Variants in CP observed in about 807,000 individuals in gnomAD.
CP encodes caeruloplasmin.
In CP, 64 loss-of-function variants were observed where a neutral mutation model predicts 122.4. The observed-to-expected ratio is 0.52, with a 90% CI of 0.43 to 0.64. The LOEUF is 0.64. Among genes scored for constraint, CP ranks in the 30% least tolerant of loss-of-function variants. The pLI, the probability that CP is intolerant of heterozygous loss-of-function variation, is 0.00. For missense variants in CP, 1,167 were observed against 1,284.4 expected, an observed-to-expected ratio of 0.91 and a Z score of 1.40; for synonymous variants, 440 against 436.4, an observed-to-expected ratio of 1.01 and a Z score of -0.10.
rs567537155 is a variant in CP at position 149,221,140 on chromosome 3, C to T, written c.146+507G>A. On this transcript the variant is annotated intron_variant, in intron 1 of 18. Transcript: ENST00000264613. ...AGCTATGCTTATTATCCTCATTTTA[C>T]AAATTAGGACCCTGAAGCTGTGAAA... Among the ~76,000 whole-genome samples the T allele has an allele frequency of 2.0e-5, 3 of 152,280 alleles. No individual in the cohort carries two copies. The South Asian group carries it at 6.2e-4, about 32-fold the overall frequency.
chr3:149,221,736 C>T lies in CP; in HGVS notation c.57G>A (p.Ala19=), dbSNP rs775969249. Residue 19 remains alanine, a synonymous_variant, in exon 1 of 19, where the codon GCG becomes GCA. Coordinates refer to ENST00000264613, the MANE Select transcript of CP (RefSeq NM_000096.4). ...TTCCAATGTAATAATGCTTTTCTTT[C>T]GCCCAGGCTGGGGTACTACATAAAA... ...FLFLCSTPAW[A]KEKHYYIGII... 1.6e-5 allele frequency: 26 copies of T among 1,611,238 alleles called. No homozygotes were observed. The highest frequency in any genetic ancestry group is 7.7e-5 in the South Asian group (7 of 90,850).
At chr3:149,220,654 G>A (rs1200788745) in intron 1 of CP, among the ~76,000 whole-genome samples, 1 of 151,988 alleles carries the variant, frequency 6.6e-6, no homozygotes, top group Non-Finnish European at 1.5e-5. Flanking sequence ...TTTACATAAT[G>A]TTAAAGAAAA....
chr3:149,210,226 A>G lies in CP; in HGVS notation c.548T>C (p.Ile183Thr), dbSNP rs386134123. 55 of 1,613,960 alleles carry G rather than the reference A, an allele frequency of 3.4e-5. No individual in the cohort carries two copies. Among genetic ancestry groups the G allele is most frequent in the South Asian group, 4.4e-5 (4 of 91,086 alleles). Residue 183 changes from isoleucine (I) to threonine (T), a missense_variant, in exon 3 of 19, where the codon ATT becomes ACT. Physicochemically the swap from Ile to Thr is moderately conservative, Grantham distance 89. Coordinates refer to ENST00000264613, the MANE Select transcript of CP (RefSeq NM_000096.4). ...NCVTRIYHSH[I>T]DAPKDIASGL... Reference sequence around the variant, plus strand: ...TGAGGCAATATCTTTTGGAGCATCAATGTGGGAATGGTAAATCCTAGTCAC... The same window carrying G: ...TGAGGCAATATCTTTTGGAGCATCAGTGTGGGAATGGTAAATCCTAGTCAC...
intron 9 of CP, among the ~76,000 whole-genome samples, chr3:149,192,374 C>T (rs7634054): frequency 0.098 from 14,879 of 151,616 alleles, 2,069 homozygotes; most frequent in African/African-American, 0.31. Context: ...GCCTTAGAGC[C>T]CTACTCACCA....
intron 2 of CP, among the ~76,000 whole-genome samples, chr3:149,211,549 G>A (rs899007890): frequency 2.6e-5 from 4 of 152,104 alleles, no homozygotes; most frequent in South Asian, 4.1e-4. Context: ...TGTTTTTCAG[G>A]TACTATTTTC....
intron 6 of CP, among the ~76,000 whole-genome samples, 165 bp from the exon 7 acceptor site, chr3:149,202,406 T>G (rs1727391646): frequency 6.6e-6 from 1 of 152,146 alleles, no homozygotes; most frequent in Middle Eastern, 3.2e-3. Context: ...AGCAGACAGT[T>G]CCAGTCCACT....
At chr3:149,204,436 A>C (rs1727562431) in intron 6 of CP, among the ~76,000 whole-genome samples, 2 of 152,202 alleles carry the variant, frequency 1.3e-5, no homozygotes, top group South Asian at 4.1e-4. Flanking sequence ...GTACTTGATG[A>C]GGAGAGGAGT....
chr3:149,206,641 C>G (rs1727744467), intron 5 of CP, among the ~76,000 whole-genome samples: 1 of 152,070 alleles, frequency 6.6e-6, no homozygotes, highest in African/African-American at 2.4e-5. Flanking sequence ...AGAAAAAGAA[C>G]AAATCTGTAG....
At chr3:149,197,476 T>G (rs1726967971) in intron 9 of CP, among the ~76,000 whole-genome samples, 1 of 151,270 alleles carries the variant, frequency 6.6e-6, no homozygotes, top group Non-Finnish European at 1.5e-5. Flanking sequence ...ATGTACTCCC[T>G]GACAGAAGTG....
Position 149,185,260 on chromosome 3 carries a change from A to G in CP, c.2264T>C (p.Leu755Pro). The change falls in exon 12 of 19, where the codon CTG (leucine) becomes CCG (proline). Residue 755 changes from leucine (L) to proline (P), a missense_variant. Leu to Pro is a moderately conservative substitution (Grantham distance 98). Around this residue, in one of 2 missense-constraint regions of CP, gnomAD observed 525 missense variants for 657.2 expected, o/e 0.80. Transcript: ENST00000264613. Reference protein sequence around the residue: ...YSPQREWEKELHHLQEQNVSN... With the variant: ...YSPQREWEKEPHHLQEQNVSN... ...TTACTTCTGCTCTTGTAAATGATGCAGCTCCTTTTCCCACTCCCTTTGTGG... is the reference window on the plus strand; with the variant it reads ...TTACTTCTGCTCTTGTAAATGATGCGGCTCCTTTTCCCACTCCCTTTGTGG... 4.3e-6 allele frequency: 7 copies of G among 1,613,038 alleles called. No individual in the cohort carries two copies. Among genetic ancestry groups the G allele is most frequent in the Non-Finnish European group, 5.9e-6 (7 of 1,179,960 alleles).
At chr3:149,167,885 TA>T, downstream of CP, 1 of 1,543,634 alleles carries the variant, frequency 6.5e-7, no homozygotes. Flanking sequence ...CATTTTTTCC[TA>T]AGATAGACTC....
rs1352607200 is a variant in CP, at chr3:149,173,439, A to G, written c.*275T>C. On this transcript the variant is annotated 3_prime_UTR_variant, in exon 19 of 19. Transcript: ENST00000264613. Reference sequence around the variant, plus strand: ...TAGATCTTTTTTTAAATGCAGTTTTATAAAACCCTAACAGCGGTGATATCA... The same window carrying G: ...TAGATCTTTTTTTAAATGCAGTTTTGTAAAACCCTAACAGCGGTGATATCA... 4.0e-6 allele frequency: 1 copy of G among 251,562 alleles called. No homozygotes were observed. The highest frequency in any genetic ancestry group is 8.0e-5 in the East Asian group (1 of 12,516). The allele number at this position is 251,562 out of a possible 1,614,324, so 15.6% of individuals were successfully genotyped here.
At chr3:149,201,991 C>T (rs1283642057) in intron 7 of CP, 111 bp downstream of exon 7, 2 of 1,370,376 alleles carry the variant, frequency 1.5e-6, no homozygotes, top group Non-Finnish European at 2.1e-6. Flanking sequence ...TTCCACACGC[C>T]TACTTAACAC....
Position 149,185,443 on chromosome 3 carries a change from G to A in CP, c.2081C>T (p.Thr694Ile). The A allele has an allele frequency of 6.2e-7, 1 of 1,614,070 alleles. No individual in the cohort carries two copies. The highest frequency in any genetic ancestry group is 8.5e-7 in the Non-Finnish European group (1 of 1,179,974). The change falls in exon 12 of 19, where the codon ACT (threonine) becomes ATT (isoleucine). Residue 694 changes from threonine (T) to isoleucine (I), a missense_variant. Thr to Ile is a moderately conservative substitution (Grantham distance 89, BLOSUM62 -1). Transcript: ENST00000264613. Reference protein sequence around the residue: ...TLHMWPDTEGTFNVECLTTDH... With the variant: ...TLHMWPDTEGIFNVECLTTDH... ...AGTTGTAAGGCATTCAACATTAAAA[G>A]TCCCTGGAGTGGTAAATAAGAAAAC... is the stretch of plus-strand genomic sequence containing the variant.
At position 149,190,812 on chromosome 3, in the gene CP, A is replaced by G. The variant is rs141498664; in HGVS notation, c.1714-2610T>C. ...TAAACTATTCCTAGTTTATTTAATA[A>G]AGATAGTATAACCATGGATATTAAT... On this transcript the variant is annotated intron_variant, in intron 9 of 18. Transcript: ENST00000264613. Among the ~76,000 whole-genome samples, 186 of 152,358 alleles carry G rather than the reference A, an allele frequency of 1.2e-3. 3 individuals carry two copies. The East Asian group carries it at 0.029, about 24-fold the overall frequency.
At chr3:149,220,182 ATT>A (rs1356553294) in intron 1 of CP, among the ~76,000 whole-genome samples, 1 of 152,124 alleles carries the variant, frequency 6.6e-6, no homozygotes, top group Non-Finnish European at 1.5e-5. Flanking sequence ...CTACTCCCTG[ATT>A]TTTAGAATTA....
At chr3:149,166,088 C>T in intron 4 of CP, 3 of 448,754 alleles carry the variant, frequency 6.7e-6, no homozygotes, top group South Asian at 1.6e-5. Context: ...AAAATTAGGA[C>T]ATGACCATCT....
In CP at chr3:149,185,415, A is replaced by G. The variant is rs1333366405; in HGVS notation, c.2109T>C (p.Asp703=). ...TTTGCTTCATGCCGCCTGTGTAATG[A>G]TCAGTTGTAAGGCATTCAACATTAA... ...GTFNVECLTT[D]HYTGGMKQKY... Residue 703 remains aspartate, a synonymous_variant, in exon 12 of 19, where the codon GAT becomes GAC. Transcript: ENST00000264613. 5.0e-6 allele frequency: 8 copies of G among 1,614,130 alleles called. No homozygotes were observed. The South Asian group carries it at 6.6e-5, about 13-fold the overall frequency.
At chr3:149,187,134 A>G (rs1164181646) in intron 10 of CP, among the ~76,000 whole-genome samples, 1 of 152,234 alleles carries the variant, frequency 6.6e-6, no homozygotes. Flanking sequence ...TTTAAAAAAA[A>G]AAGTCTCTAA....
Sources: allele counts gnomAD v4.1 joint callset (sites outside exome capture counted in the v4.1 genomes callset), GRCh38; gene constraint gnomAD v4.1.1; regional missense constraint gnomAD v4.1.1; transcripts MANE v1.5; gene names NCBI Gene and HGNC (gene_info 2026-07-23, HGNC 2026-07-21).